CDHR1: variants seen among roughly 807,000 people sequenced by gnomAD.
CDHR1 encodes the protein cadherin-related family member 1.
CDHR1 carries 61 observed loss-of-function variants against 72.1 expected under a neutral mutation model. The ratio of observed to expected loss-of-function variants is 0.85; its 90% confidence interval spans 0.69 to 1.05. CDHR1 has a LOEUF of 1.05. Ranked by LOEUF, CDHR1 falls within the 50% of genes least tolerant of loss-of-function variation. The probability of loss-of-function intolerance (pLI) is 0.00; values close to 1 mark genes in which losing one functional copy is unlikely to be tolerated. For synonymous variants in CDHR1, 470 were observed against 448.1 expected (o/e 1.05, Z -0.62); for missense variants, 1,186 against 1,115.7 (o/e 1.06, Z -0.90).
chr10:84,206,154 G>A (rs1172279936), intron 10 of CDHR1, among the ~76,000 whole-genome samples: 1 of 152,210 alleles, frequency 6.6e-6, no homozygotes, highest in Non-Finnish European at 1.5e-5. Flanking sequence ...GGATCCTGCA[G>A]GTGCATGCTG....
At chr10:84,199,388 A>T (rs560215960) in intron 5 of CDHR1, among the ~76,000 whole-genome samples, 1 of 152,370 alleles carries the variant, frequency 6.6e-6, no homozygotes, top group Admixed American at 6.5e-5. Context: ...AACTTGAGAC[A>T]TTGTTAAATT....
downstream of CDHR1, chr10:84,219,474 G>A: frequency 2.3e-6 from 2 of 880,758 alleles, no homozygotes; most frequent in East Asian, 5.6e-5. Context: ...CTTTTGCTTG[G>A]CTTGAAGGTC....
chr10:84,201,784 C>A, intron 6 of CDHR1, 23 bp from the exon 7 acceptor site: 1 of 1,594,838 alleles, frequency 6.3e-7, no homozygotes, highest in South Asian at 1.1e-5. Context: ...TGCTGAGGTC[C>A]AGCTGCCCCC....
rs1475670360 is a variant in CDHR1 at position 84,201,714 on chromosome 10, G to A, written c.526-93G>A. On this transcript the variant is annotated intron_variant, in intron 6 of 16. Transcript: ENST00000623527. Reference sequence around the variant, plus strand: ...CTCAGCCCTGAGGTCCTGTAATGAGGGGCAGTGAGGACCCCCTTCAGAAAG... The same window carrying A: ...CTCAGCCCTGAGGTCCTGTAATGAGAGGCAGTGAGGACCCCCTTCAGAAAG... 4 of 975,904 alleles carry A rather than the reference G, an allele frequency of 4.1e-6. No homozygotes were observed. In the African/African-American group the frequency reaches 6.4e-5, roughly 16 times the overall value. The allele number at this position is 975,904 out of a possible 1,614,324, so 60.5% of individuals were successfully genotyped here. A position where few individuals can be genotyped will look rare whatever the true frequency, so the allele number is the denominator to read the frequency against.
In CDHR1 at chr10:84,216,995, C is replaced by T. The variant is rs1330653883; in HGVS notation, c.*2374C>T. The stretch of plus-strand genomic sequence containing the variant: ...CCGAGGGTGGTCTCTTGGACAACCC[C>T]AGGAACTTGGACCAAGGCAGAGCCA... On this transcript the variant is annotated 3_prime_UTR_variant, in exon 17 of 17. Coordinates refer to ENST00000623527, the MANE Select transcript of CDHR1 (RefSeq NM_033100.4). 9.1e-6 allele frequency: 9 copies of T among 985,540 alleles called. No individual in the cohort carries two copies. Among genetic ancestry groups the T allele is most frequent in the Non-Finnish European group, 1.1e-5 (9 of 830,002 alleles). 61.0% of individuals were successfully genotyped at this position (985,540 alleles called of 1,614,324 possible).
intron 11 of CDHR1, 140 bp downstream of exon 11, chr10:84,208,517 G>A: frequency 9.2e-7 from 1 of 1,081,792 alleles, no homozygotes; most frequent in Non-Finnish European, 1.4e-6. Flanking sequence ...ACAAGAAGTT[G>A]TAACCAAGGG....
Position 84,197,788 on chromosome 10 carries a change from G to C in CDHR1, c.300G>C (p.Arg100Ser). ...ITLVEELDRE[R>S]EDEIEAIISI... ...CACTCAGTCCCTGTGCTTCACAGAG[G>C]GAAGATGAGATTGAAGCCATCATCA... The change falls in exon 4 of 17, where the codon AGG (arginine) becomes AGC (serine). Residue 100 changes from arginine to serine, a missense_variant and splice_region_variant. Physicochemically the swap from Arg to Ser is moderately radical, Grantham distance 110. Transcript: ENST00000623527. 2 of 1,614,008 alleles carry C rather than the reference G, an allele frequency of 1.2e-6. No individual in the cohort carries two copies. Among genetic ancestry groups the C allele is most frequent in the Non-Finnish European group, 1.7e-6 (2 of 1,179,914 alleles).
At chr10:84,208,403 C>A in intron 11 of CDHR1, 26 bp downstream of exon 11, 1 of 1,610,838 alleles carries the variant, frequency 6.2e-7, no homozygotes, top group Non-Finnish European at 8.5e-7. Context: ...CTCCGCTCTG[C>A]CTTCTCACAA....
At chr10:84,213,542 T>C (rs1349086499) in intron 16 of CDHR1, among the ~76,000 whole-genome samples, 194 bp downstream of exon 16, 6 of 152,216 alleles carry the variant, frequency 3.9e-5, no homozygotes, top group Non-Finnish European at 8.8e-5. Flanking sequence ...TTATTAATGG[T>C]GTGACTTTGG....
intron 6 of CDHR1, 58 bp downstream of exon 6, chr10:84,200,745 G>A: frequency 1.6e-6 from 2 of 1,224,214 alleles, no homozygotes; most frequent in Non-Finnish European, 1.2e-6. Context: ...CACCTAGATG[G>A]CCCCTACCTC....
rs987613190 is a variant in CDHR1 at position 84,217,609 on chromosome 10, A to G, written c.*2988A>G. The G allele has an allele frequency of 7.3e-5, 72 of 985,324 alleles. No homozygotes were observed. Among genetic ancestry groups the G allele is most frequent in the Non-Finnish European group, 8.1e-5 (67 of 829,930 alleles). 61.0% of individuals were successfully genotyped at this position (985,324 alleles called of 1,614,324 possible). ...GTAAAGTGCCTAGCACCGGCTTTGT[A>G]TCTACTTACACAAGCTCAGTAGACA... On this transcript the variant is annotated 3_prime_UTR_variant, in exon 17 of 17. Coordinates refer to ENST00000623527, the MANE Select transcript of CDHR1 (RefSeq NM_033100.4).
At chr10:84,205,615 A>G in intron 9 of CDHR1, 2 of 621,622 alleles carry the variant, frequency 3.2e-6, no homozygotes, top group Non-Finnish European at 2.9e-6. Context: ...AGCTGGACAG[A>G]AGTGAGTTCA....
At chr10:84,201,975 C>T (rs1261427573) in intron 7 of CDHR1, 55 bp downstream of exon 7, 10 of 1,380,544 alleles carry the variant, frequency 7.2e-6, no homozygotes, top group Non-Finnish European at 1.0e-5. Flanking sequence ...TGGGTTGGAA[C>T]CAAGTTAGGT....
rs1215980464 is a variant in CDHR1 at position 84,211,075 on chromosome 10, C to T, written c.1395C>T (p.Thr465=). Residue 465 remains threonine (T), a synonymous_variant, in exon 13 of 17, where the codon ACC becomes ACT. Transcript: ENST00000623527. ...TADVVIQLLD[T]NDNVPKFDSL... ...ATGTTGTGATCCAGCTCCTGGACAC[C>T]AATGACAATGTCCCCAAGTTCGACT... The T allele has an allele frequency of 1.2e-6, 2 of 1,614,176 alleles. No homozygotes were observed. The highest frequency in any genetic ancestry group is 4.5e-5 in the East Asian group (2 of 44,882).
intron 2 of CDHR1, among the ~76,000 whole-genome samples, chr10:84,195,992 C>T (rs530944931): frequency 6.6e-6 from 1 of 152,216 alleles, no homozygotes; most frequent in African/African-American, 2.4e-5. Context: ...TTCTCCCTCA[C>T]TTTGTGGGTA....
rs537850680 is a variant in CDHR1, at chr10:84,208,200, C to T, written c.990C>T (p.Ser330=). 2.5e-6 allele frequency: 4 copies of T among 1,614,138 alleles called. No individual in the cohort carries two copies. In the Admixed American group the frequency reaches 6.7e-5, roughly 27 times the overall value. ...TGACTGAAATGAGCCCTGCGGGGAG[C>T]CCAGCTGCCCAGGCCACCGTCCCAG... ...VQVTEMSPAG[S]PAAQATVPVT... Residue 330 remains serine, a synonymous_variant, in exon 11 of 17, where the codon AGC becomes AGT. Coordinates refer to ENST00000623527, the MANE Select transcript of CDHR1 (RefSeq NM_033100.4).
chr10:84,200,032 T>C (rs1842094910), intron 5 of CDHR1, among the ~76,000 whole-genome samples: 1 of 152,162 alleles, frequency 6.6e-6, no homozygotes, highest in South Asian at 2.1e-4. Context: ...TAGCCTGGCA[T>C]GGTGGTGGGC....
In CDHR1 at chr10:84,217,023, C is replaced by T; in HGVS notation, c.*2402C>T. On this transcript the variant is annotated 3_prime_UTR_variant, in exon 17 of 17. Transcript: ENST00000623527. Reference sequence around the variant, plus strand: ...GAACTTGGACCAAGGCAGAGCCAATCTTGCAAACTGGCCATGGATGGGGAA... The same window carrying T: ...GAACTTGGACCAAGGCAGAGCCAATTTTGCAAACTGGCCATGGATGGGGAA... 1.0e-6 allele frequency: 1 copy of T among 985,594 alleles called. No homozygotes were observed. The highest frequency in any genetic ancestry group is 1.2e-6 in the Non-Finnish European group (1 of 830,034). 61.1% of individuals were successfully genotyped at this position (985,594 alleles called of 1,614,324 possible).
rs1842458533 is a variant in CDHR1 at position 84,218,287 on chromosome 10, A to G, written c.*3666A>G. 1 of 985,464 alleles carries G rather than the reference A, an allele frequency of 1.0e-6. No individual in the cohort carries two copies. The highest frequency in any genetic ancestry group is 1.2e-6 in the Non-Finnish European group (1 of 829,926). The allele number at this position is 985,464 out of a possible 1,614,324, so 61.0% of individuals were successfully genotyped here. A position where few individuals can be genotyped will look rare whatever the true frequency, so the allele number is the denominator to read the frequency against. On this transcript the variant is annotated 3_prime_UTR_variant, in exon 17 of 17. Coordinates refer to ENST00000623527, the MANE Select transcript of CDHR1 (RefSeq NM_033100.4). ...TGAGGCGGTCATGGCTTAAGCGACCATCATTTGATCAATAAAGCAGAGTAG... is the reference window on the plus strand; with the variant it reads ...TGAGGCGGTCATGGCTTAAGCGACCGTCATTTGATCAATAAAGCAGAGTAG...
Sources: allele counts gnomAD v4.1 joint callset (sites outside exome capture counted in the v4.1 genomes callset), GRCh38; gene constraint gnomAD v4.1.1; transcripts MANE v1.5; gene names NCBI Gene and HGNC (gene_info 2026-07-23, HGNC 2026-07-21).